Variants in ERBB4 observed in about 807,000 individuals in gnomAD.
ERBB4 encodes the protein erb-b2 receptor tyrosine kinase 4, also known as receptor tyrosine-protein kinase erbB-4.
A neutral mutation model predicts 158.0 loss-of-function variants in ERBB4; 42 were observed. The observed-to-expected ratio is 0.27, with a 90% CI of 0.21 to 0.34. ERBB4 has a LOEUF of 0.34. Among genes scored for constraint, ERBB4 ranks in the 10% least tolerant of loss-of-function variants. ERBB4 has a pLI of 1.00. For missense variants in ERBB4, 1,333 were observed against 1,624.1 expected, an observed-to-expected ratio of 0.82 and a Z score of 3.08; for synonymous variants, 583 against 558.7, an observed-to-expected ratio of 1.04 and a Z score of -0.61.
intron 4 of ERBB4, among the ~76,000 whole-genome samples, chr2:211,756,960 A>G (rs1202324895): frequency 6.6e-6 from 1 of 152,242 alleles, no homozygotes. Context: ...TTTCTCCAGC[A>G]GTACTAAAAT....
At chr2:211,630,162 T>G (rs898431186) in intron 17 of ERBB4, among the ~76,000 whole-genome samples, 8 of 152,236 alleles carry the variant, frequency 5.3e-5, no homozygotes, top group African/African-American at 1.9e-4. Flanking sequence ...TCTGCTGCTA[T>G]TGAGATATCC....
intron 16 of ERBB4, 73 bp from the exon 17 acceptor site, chr2:211,630,667 G>T: frequency 7.7e-7 from 1 of 1,304,894 alleles, no homozygotes; most frequent in Non-Finnish European, 1.1e-6. Flanking sequence ...GAAAAGAGCA[G>T]TTGTACAAGA....
chr2:211,947,003 C>A (rs1433491673), intron 3 of ERBB4, among the ~76,000 whole-genome samples: 1 of 151,908 alleles, frequency 6.6e-6, no homozygotes, highest in East Asian at 1.9e-4. Context: ...GATATATTTT[C>A]TAAAAATAAG....
chr2:211,562,546 T>C (rs1264475719), intron 19 of ERBB4, among the ~76,000 whole-genome samples: 1 of 152,056 alleles, frequency 6.6e-6, no homozygotes, highest in African/African-American at 2.4e-5. Flanking sequence ...GTTGGACAGC[T>C]TACAACGGTG....
intron 1 of ERBB4, among the ~76,000 whole-genome samples, chr2:212,410,656 A>G (rs994189693): frequency 1.6e-4 from 24 of 152,220 alleles, no homozygotes; most frequent in African/African-American, 5.5e-4. Context: ...TGTTTTTCAA[A>G]TAATAAAACA....
At chr2:211,827,595 T>C (rs113381604) in intron 3 of ERBB4, among the ~76,000 whole-genome samples, 2,683 of 152,072 alleles carry the variant, frequency 0.018, 39 homozygotes, top group Non-Finnish European at 0.028. Context: ...TATACAGTTC[T>C]TTTTTTAATG....
intron 1 of ERBB4, among the ~76,000 whole-genome samples, chr2:212,387,453 AT>A (rs34316082): frequency 5.0e-4 from 65 of 128,820 alleles, no homozygotes; most frequent in East Asian, 1.0e-3. Flanking sequence ...GTTAGAACAC[AT>A]TTTTTTTTTT....
At chr2:211,624,118 T>G in intron 17 of ERBB4, 74 bp from the exon 18 acceptor site, 1 of 1,579,768 alleles carries the variant, frequency 6.3e-7, no homozygotes, top group South Asian at 1.1e-5. Context: ...TCTCTCTCTC[T>G]CTCTCTTTGG....
intron 25 of ERBB4, among the ~76,000 whole-genome samples, chr2:211,417,315 A>G (rs1317786130): frequency 7.2e-6 from 1 of 138,854 alleles, no homozygotes; most frequent in Non-Finnish European, 1.5e-5. Flanking sequence ...TCTACAAAAA[A>G]ATATAAAAAA....
intron 1 of ERBB4, among the ~76,000 whole-genome samples, chr2:212,379,900 A>G (rs1172775926): frequency 6.6e-6 from 1 of 151,332 alleles, no homozygotes; most frequent in Non-Finnish European, 1.5e-5. Flanking sequence ...AAACATTGTA[A>G]GCATTTTTAA....
At chr2:212,291,301 AAAG>A (rs1338048673) in intron 1 of ERBB4, among the ~76,000 whole-genome samples, 4 of 152,274 alleles carry the variant, frequency 2.6e-5, no homozygotes, top group South Asian at 2.1e-4. Context: ...ACTAAATAAC[AAAG>A]AAGAAGTACA....
intron 3 of ERBB4, among the ~76,000 whole-genome samples, chr2:211,822,198 C>T (rs1269700579): frequency 3.3e-5 from 5 of 151,796 alleles, no homozygotes; most frequent in African/African-American, 9.7e-5. Context: ...TACACAATTA[C>T]AGCTAGATAG....
intron 3 of ERBB4, among the ~76,000 whole-genome samples, chr2:211,911,820 T>C (rs1302287870): frequency 7.7e-5 from 11 of 143,132 alleles, no homozygotes; most frequent in Non-Finnish European, 1.7e-4. Flanking sequence ...TTTATTCTTT[T>C]CTTTTTTTTT....
intron 16 of ERBB4, 109 bp downstream of exon 16, chr2:211,657,645 T>C (rs1574936839): frequency 3.5e-6 from 3 of 845,844 alleles, no homozygotes; most frequent in East Asian, 2.6e-5. Context: ...CAATTTGATA[T>C]ATTATGAGTT....
intron 20 of ERBB4, among the ~76,000 whole-genome samples, chr2:211,555,932 C>T (rs1423111558): frequency 6.6e-6 from 1 of 152,152 alleles, no homozygotes; most frequent in African/African-American, 2.4e-5. Context: ...TGATAACCAG[C>T]TAACATCACG....
In ERBB4 at chr2:211,819,429, A is replaced by G. The variant is rs559216929; in HGVS notation, c.422-31270T>C. Reference sequence around the variant, plus strand: ...CAGTACTGGAATCTGCCAAGGGGAAATAGTAAAAGCTTTAGTCTGAAACTT... The same window carrying G: ...CAGTACTGGAATCTGCCAAGGGGAAGTAGTAAAAGCTTTAGTCTGAAACTT... On this transcript the variant is annotated intron_variant, in intron 3 of 27. Coordinates refer to ENST00000342788, the MANE Select transcript of ERBB4 (RefSeq NM_005235.3). 2.3e-4 allele frequency among the ~76,000 whole-genome samples: 35 copies of G among 152,186 alleles called. 1 individual carries two copies. Among genetic ancestry groups the G allele is most frequent in the South Asian group, 1.4e-3 (7 of 4,832 alleles).
intron 1 of ERBB4, among the ~76,000 whole-genome samples, chr2:212,402,814 T>C (rs77990173): frequency 4.6e-5 from 7 of 152,232 alleles, no homozygotes; most frequent in Non-Finnish European, 8.8e-5. Flanking sequence ...AACATTTTTA[T>C]ATAGTTTTAT....
intron 2 of ERBB4, among the ~76,000 whole-genome samples, chr2:212,010,527 G>C (rs2076360757): frequency 6.6e-6 from 1 of 152,086 alleles, no homozygotes; most frequent in African/African-American, 2.4e-5. Context: ...GCTTCTGAGG[G>C]AACAGGACAA....
chr2:212,193,305 T>C (rs1318826608), intron 1 of ERBB4, among the ~76,000 whole-genome samples: 1 of 152,168 alleles, frequency 6.6e-6, no homozygotes, highest in Non-Finnish European at 1.5e-5. Flanking sequence ...AAGGAGGTTG[T>C]CACTCTGTAG....
Sources: gnomAD v4.1 joint callset for allele counts (sites outside exome capture counted in the v4.1 genomes callset) on GRCh38, gnomAD v4.1.1 for gene constraint, MANE v1.5 for transcripts, NCBI Gene and HGNC (gene_info 2026-07-23, HGNC 2026-07-21) for gene names.